Variants in ARPC3 observed in about 807,000 individuals in gnomAD.
ARPC3 encodes actin related protein 2/3 complex subunit 3, also known as actin-related protein 2/3 complex subunit 3.
In ARPC3, 12 loss-of-function variants were observed where a neutral mutation model predicts 27.6. The observed-to-expected ratio is 0.43, with a 90% CI of 0.28 to 0.70. ARPC3 has a LOEUF of 0.70. ARPC3 is among the 30% of genes least tolerant of loss of function. The pLI, the probability that ARPC3 is intolerant of heterozygous loss-of-function variation, is 0.17. For missense variants in ARPC3, 153 were observed against 207.7 expected, an observed-to-expected ratio of 0.74 and a Z score of 1.62; for synonymous variants, 53 against 67.2, an observed-to-expected ratio of 0.79 and a Z score of 1.03.
chr12:110,442,419 C>T (rs1350126003), intron 2 of ARPC3, among the ~76,000 whole-genome samples: 2 of 152,004 alleles, frequency 1.3e-5, no homozygotes, highest in East Asian at 3.9e-4. Flanking sequence ...ACCAGCCTGG[C>T]CAACATGGAG....
chr12:110,447,114 C>T (rs1247049497), intron 1 of ARPC3, among the ~76,000 whole-genome samples: 1 of 152,162 alleles, frequency 6.6e-6, no homozygotes, highest in Non-Finnish European at 1.5e-5. Context: ...AACCAAGACC[C>T]AAGCACTATC....
intron 6 of ARPC3, among the ~76,000 whole-genome samples, chr12:110,435,726 C>T (rs570976112): frequency 2.1e-4 from 32 of 152,164 alleles, no homozygotes; most frequent in East Asian, 1.2e-3. Flanking sequence ...TGGGTTCAAG[C>T]GACTCTCTTG....
chr12:110,435,975 C>A (rs1187758855), intron 6 of ARPC3, 135 bp downstream of exon 6: 1 of 786,484 alleles, frequency 1.3e-6, no homozygotes, highest in African/African-American at 1.7e-5. Flanking sequence ...ACATACTAGA[C>A]ATATACTGGA....
chr12:110,446,243 C>G (rs1300440926), intron 1 of ARPC3, among the ~76,000 whole-genome samples: 1 of 151,374 alleles, frequency 6.6e-6, no homozygotes, highest in Admixed American at 6.6e-5. Context: ...CCTGCCTCAG[C>G]CTCCCAAAGG....
chr12:110,435,475 G>C (rs2062398041), intron 6 of ARPC3, among the ~76,000 whole-genome samples: 1 of 152,006 alleles, frequency 6.6e-6, no homozygotes, highest in African/African-American at 2.4e-5. Flanking sequence ...GACTACAGGC[G>C]CCTGCCACCA....
chr12:110,449,337 G>A (rs1291672575), intron 1 of ARPC3, among the ~76,000 whole-genome samples: 1 of 151,702 alleles, frequency 6.6e-6, no homozygotes, highest in Non-Finnish European at 1.5e-5. Context: ...CCGAGGGGGC[G>A]GATCACCTGA....
chr12:110,438,693 G>A (rs2062419056), intron 3 of ARPC3, among the ~76,000 whole-genome samples: 1 of 150,710 alleles, frequency 6.6e-6, no homozygotes, highest in Non-Finnish European at 1.5e-5. Context: ...GCCCAGGCTG[G>A]AGTGCAATGG....
At position 110,436,544 on chromosome 12, in the gene ARPC3, G is replaced by T. The variant is rs1240075296; in HGVS notation, c.379+13C>A. On this transcript the variant is annotated intron_variant, in intron 5 of 6. Transcript: ENST00000228825. Reference sequence around the variant, plus strand: ...TCTTGTGTCACAGAGTGAGGATAGAGACCTGTTCTTACCATCTTCCTGTTT... The same window carrying T: ...TCTTGTGTCACAGAGTGAGGATAGATACCTGTTCTTACCATCTTCCTGTTT... 1 of 1,613,868 alleles carries T rather than the reference G, an allele frequency of 6.2e-7. No homozygotes were observed. Among genetic ancestry groups the T allele is most frequent in the South Asian group, 1.1e-5 (1 of 91,078 alleles).
intron 1 of ARPC3, among the ~76,000 whole-genome samples, chr12:110,447,737 C>T (rs2135505701): frequency 6.6e-6 from 1 of 152,198 alleles, no homozygotes; most frequent in East Asian, 1.9e-4. Flanking sequence ...GGCACCACTG[C>T]ACTCCAGCCT....
intron 2 of ARPC3, among the ~76,000 whole-genome samples, chr12:110,443,819 T>C (rs1052755372): frequency 2.0e-4 from 30 of 152,306 alleles, no homozygotes; most frequent in African/African-American, 7.2e-4. Context: ...CTAAATGCAA[T>C]GACAGGAGGG....
At chr12:110,439,815 C>CA (rs1433999539) in intron 3 of ARPC3, among the ~76,000 whole-genome samples, 9 of 152,184 alleles carry the variant, frequency 5.9e-5, no homozygotes, top group Non-Finnish European at 1.2e-4. Flanking sequence ...GCCTGGGCGA[C>CA]GGAGCAAGAC....
intron 1 of ARPC3, among the ~76,000 whole-genome samples, chr12:110,448,806 TCTCA>T (rs2062481074): frequency 1.8e-5 from 2 of 114,274 alleles, no homozygotes; most frequent in African/African-American, 6.7e-5. Flanking sequence ...TGGTACAGAG[TCTCA>T]CTCTGTCACT....
Position 110,436,487 on chromosome 12 carries a change from A to T in ARPC3, c.379+70T>A, listed in dbSNP as rs1449580319. On this transcript the variant is annotated intron_variant, in intron 5 of 6. Transcript: ENST00000228825. ...GTACATGAATCAAGGCAAGAAAAAG[A>T]GGGGTGGTAGGAAGTCAAATGGAGA... is the stretch of plus-strand genomic sequence containing the variant. 1.2e-5 allele frequency: 19 copies of T among 1,595,574 alleles called. No homozygotes were observed. The Admixed American group carries it at 3.0e-4, about 25-fold the overall frequency.
chr12:110,441,111 G>GGGATCAC (rs1326669824), intron 2 of ARPC3, among the ~76,000 whole-genome samples: 1 of 151,834 alleles, frequency 6.6e-6, no homozygotes, highest in Non-Finnish European at 1.5e-5. Context: ...CCAACGTGCT[G>GGGATCAC]GGATCACAGG....
At chr12:110,440,450 A>C in intron 2 of ARPC3, 62 bp from the exon 3 acceptor site, 1 of 1,123,920 alleles carries the variant, frequency 8.9e-7, no homozygotes, top group Non-Finnish European at 1.4e-6. Flanking sequence ...CATAACAACT[A>C]TCAAAGCCAT....
chr12:110,437,374 C>CTTT, intron 3 of ARPC3: 2 of 393,608 alleles, frequency 5.1e-6, no homozygotes, highest in Non-Finnish European at 4.7e-6. Context: ...TGTGCAGCTG[C>CTTT]TTTTTTTTTT....
chr12:110,436,265 C>T (rs2062403312), intron 5 of ARPC3, 61 bp from the exon 6 acceptor site: 1 of 1,360,390 alleles, frequency 7.4e-7, no homozygotes, highest in Non-Finnish European at 1.1e-6. Context: ...GTACTGGTTG[C>T]AGCTCTGGAT....
At chr12:110,436,715 C>CACATAA in intron 4 of ARPC3, 32 bp from the exon 5 acceptor site, 1 of 381,412 alleles carries the variant, frequency 2.6e-6, no homozygotes, top group Non-Finnish European at 4.3e-6. Flanking sequence ...TATATATACA[C>CACATAA]ACACACACAC....
chr12:110,438,320 C>A (rs2062416799), intron 3 of ARPC3, among the ~76,000 whole-genome samples: 1 of 148,260 alleles, frequency 6.7e-6, no homozygotes, highest in African/African-American at 2.5e-5. Context: ...AAAAAAAAGG[C>A]CGGGTGCGGT....
Sources: gnomAD v4.1 joint callset for allele counts (sites outside exome capture counted in the v4.1 genomes callset) on GRCh38, gnomAD v4.1.1 for gene constraint, MANE v1.5 for transcripts, NCBI Gene and HGNC (gene_info 2026-07-23, HGNC 2026-07-21) for gene names.